Variants in ST8SIA4 observed in about 807,000 individuals in gnomAD.
The protein encoded by ST8SIA4 is ST8 alpha-N-acetyl-neuraminide alpha-2,8-sialyltransferase 4.
ST8SIA4 carries 15 observed loss-of-function variants against 33.9 expected under a neutral mutation model. The observed-to-expected ratio is 0.44, with a 90% CI of 0.30 to 0.68. ST8SIA4 has a LOEUF of 0.68. Ranked by LOEUF, ST8SIA4 falls within the 30% of genes least tolerant of loss-of-function variation. The probability of loss-of-function intolerance (pLI) is 0.10; values close to 1 mark genes in which losing one functional copy is unlikely to be tolerated. For synonymous variants in ST8SIA4, 171 were observed against 151.2 expected (o/e 1.13, Z -0.96); for missense variants, 321 against 428.0 (o/e 0.75, Z 2.21).
intron 3 of ST8SIA4, among the ~76,000 whole-genome samples, chr5:100,870,277 T>C (rs991036814): frequency 6.6e-6 from 1 of 152,168 alleles, no homozygotes; most frequent in African/African-American, 2.4e-5. Flanking sequence ...TCCAAGTCTT[T>C]GCTATTGTGA....
rs561177294 is a variant in ST8SIA4 at position 100,854,584 on chromosome 5, AAAAACAAAAC to A, written c.797+1509_797+1518del. The stretch of plus-strand genomic sequence containing the variant: ...GGCAACAGAGTGAGACTCTGTCTCA[AAAAACAAAAC>A]AAAACAAAACAAAACACAAAAAACA... On this transcript the variant is annotated intron_variant, in intron 4 of 4. Transcript: ENST00000231461. 6.5e-3 allele frequency among the ~76,000 whole-genome samples: 987 copies of A among 152,266 alleles called. 12 individuals carry two copies. The highest frequency in any genetic ancestry group is 0.023 in the African/African-American group (941 of 41,526).
chr5:100,825,647 T>C (rs781770134), intron 4 of ST8SIA4, among the ~76,000 whole-genome samples: 29 of 152,202 alleles, frequency 1.9e-4, no homozygotes, highest in Non-Finnish European at 3.2e-4. Context: ...TGCAGGACCA[T>C]AACTGAACTC....
At chr5:100,887,778 T>C (rs1752572147) in intron 2 of ST8SIA4, among the ~76,000 whole-genome samples, 1 of 152,060 alleles carries the variant, frequency 6.6e-6, no homozygotes, top group African/African-American at 2.4e-5. Context: ...TATGTTCGTT[T>C]ATGTTAGTTT....
At chr5:100,897,503 A>G (rs879747650) in intron 1 of ST8SIA4, among the ~76,000 whole-genome samples, 14 of 152,206 alleles carry the variant, frequency 9.2e-5, no homozygotes, top group East Asian at 1.9e-4. Context: ...AGTCAAAAAT[A>G]TAGTTAAAAA....
At chr5:100,880,384 A>T (rs1010068263) in intron 3 of ST8SIA4, among the ~76,000 whole-genome samples, 1 of 152,154 alleles carries the variant, frequency 6.6e-6, no homozygotes, top group Non-Finnish European at 1.5e-5. Flanking sequence ...ACAGTCAGAG[A>T]AGACTTGCAG....
At chr5:100,854,797 GT>G (rs1476325344) in intron 4 of ST8SIA4, among the ~76,000 whole-genome samples, 1 of 152,018 alleles carries the variant, frequency 6.6e-6, no homozygotes, top group African/African-American at 2.4e-5. Context: ...TTGGAAACCT[GT>G]TTTTTTCAGG....
At chr5:100,843,232 G>A (rs1751504742) in intron 4 of ST8SIA4, among the ~76,000 whole-genome samples, 1 of 151,780 alleles carries the variant, frequency 6.6e-6, no homozygotes, top group African/African-American at 2.4e-5. Context: ...TTTTCTTTAG[G>A]AGTGTACTTT....
chr5:100,839,127 C>T (rs976090211), intron 4 of ST8SIA4, among the ~76,000 whole-genome samples: 6 of 152,058 alleles, frequency 3.9e-5, no homozygotes, highest in African/African-American at 1.4e-4. Context: ...CACACCCACC[C>T]ATTTAAAAAT....
intron 1 of ST8SIA4, among the ~76,000 whole-genome samples, chr5:100,896,730 C>T (rs951693189): frequency 6.6e-6 from 1 of 152,012 alleles, no homozygotes; most frequent in Non-Finnish European, 1.5e-5. Context: ...TAAGATAAAA[C>T]AAATAAGCTC....
chr5:100,877,898 C>T lies in ST8SIA4; in HGVS notation c.503+8445G>A, dbSNP rs557625633. 6.3e-4 allele frequency among the ~76,000 whole-genome samples: 96 copies of T among 152,232 alleles called. 1 individual carries two copies. Among genetic ancestry groups the T allele is most frequent in the African/African-American group, 2.2e-3 (91 of 41,544 alleles). On this transcript the variant is annotated intron_variant, in intron 3 of 4. Coordinates refer to ENST00000231461, the MANE Select transcript of ST8SIA4 (RefSeq NM_005668.6). ...TTTTGTCTTTGGGAAAATGGGTTGG[C>T]ATTGGATTCTGTTTTACTCCTCCGT...
chr5:100,844,673 C>A lies in ST8SIA4; in HGVS notation c.797+11430G>T, dbSNP rs575689087. Among the ~76,000 whole-genome samples, 50 of 152,086 alleles carry A rather than the reference C, an allele frequency of 3.3e-4. No homozygotes were observed. The South Asian group carries it at 9.5e-3, about 29-fold the overall frequency. Reference sequence around the variant, plus strand: ...GTCAGTCATAGGTGTTAGGCTCAAACTGGAAACTGTAAGAAACAAAACTTC... The same window carrying A: ...GTCAGTCATAGGTGTTAGGCTCAAAATGGAAACTGTAAGAAACAAAACTTC... On this transcript the variant is annotated intron_variant, in intron 4 of 4. Transcript: ENST00000231461.
chr5:100,869,885 A>G (rs1361136676), intron 3 of ST8SIA4, among the ~76,000 whole-genome samples: 1 of 152,174 alleles, frequency 6.6e-6, no homozygotes, highest in Non-Finnish European at 1.5e-5. Flanking sequence ...TCTAGGGTAC[A>G]TGTGCACAAC....
chr5:100,854,532 G>A (rs1330338720), intron 4 of ST8SIA4, among the ~76,000 whole-genome samples: 3 of 152,152 alleles, frequency 2.0e-5, no homozygotes, highest in Admixed American at 1.3e-4. Flanking sequence ...GTAGTGAGCC[G>A]AGATCGCACC....
At chr5:100,832,989 G>C (rs1751292421) in intron 4 of ST8SIA4, among the ~76,000 whole-genome samples, 1 of 152,096 alleles carries the variant, frequency 6.6e-6, no homozygotes, top group South Asian at 2.1e-4. Context: ...GCATGTTGCT[G>C]TGTTGATTCA....
chr5:100,843,491 T>C (rs1037650767), intron 4 of ST8SIA4, among the ~76,000 whole-genome samples: 8 of 151,816 alleles, frequency 5.3e-5, no homozygotes, highest in Admixed American at 3.9e-4. Context: ...TGTAACTGAG[T>C]TCTTAAGATG....
At chr5:100,855,467 G>A (rs1400834800) in intron 4 of ST8SIA4, among the ~76,000 whole-genome samples, 1 of 152,156 alleles carries the variant, frequency 6.6e-6, no homozygotes, top group Non-Finnish European at 1.5e-5. Context: ...TTTCTCATCT[G>A]TGGTTTATCT....
chr5:100,827,953 A>C (rs1434021265), intron 4 of ST8SIA4, among the ~76,000 whole-genome samples: 1 of 152,214 alleles, frequency 6.6e-6, no homozygotes, highest in Non-Finnish European at 1.5e-5. Context: ...CTGTTGATAA[A>C]CACTGGTTAA....
At position 100,821,599 on chromosome 5, in the gene ST8SIA4, A is replaced by G. The variant is rs990419228; in HGVS notation, c.798-9470T>C. Reference sequence around the variant, plus strand: ...CCTCCCAGATAGTTGTGCTAAAATCAATTTCAAGAAAAGTAAGGAACAACA... The same window carrying G: ...CCTCCCAGATAGTTGTGCTAAAATCGATTTCAAGAAAAGTAAGGAACAACA... On this transcript the variant is annotated intron_variant, in intron 4 of 4. Coordinates refer to ENST00000231461, the MANE Select transcript of ST8SIA4 (RefSeq NM_005668.6). 4.6e-5 allele frequency among the ~76,000 whole-genome samples: 7 copies of G among 152,328 alleles called. No individual in the cohort carries two copies. In the South Asian group the frequency reaches 1.0e-3, roughly 23 times the overall value.
At chr5:100,880,094 T>C (rs1752384007) in intron 3 of ST8SIA4, among the ~76,000 whole-genome samples, 1 of 151,870 alleles carries the variant, frequency 6.6e-6, no homozygotes, top group Non-Finnish European at 1.5e-5. Flanking sequence ...CCTCTCTCCT[T>C]TACTTCCTTC....
Sources: allele counts gnomAD v4.1 joint callset (sites outside exome capture counted in the v4.1 genomes callset), GRCh38; gene constraint gnomAD v4.1.1; transcripts MANE v1.5; gene names NCBI Gene and HGNC (gene_info 2026-07-23, HGNC 2026-07-21).